The following C12orf42 variants were observed in gnomAD, a reference collection of about 807,000 sequenced individuals.
C12orf42 encodes the protein chromosome 12 open reading frame 42, also known as uncharacterized protein C12orf42.
Under a neutral mutation model 21.6 loss-of-function variants are expected in C12orf42, and 25 were observed. The observed-to-expected ratio is 1.16, with a 90% confidence interval of 0.84 to 1.62. The LOEUF (loss-of-function observed/expected upper bound fraction) is 1.62, where lower values mean the gene tolerates loss of function less well. Among genes scored for constraint, C12orf42 ranks in the 40% most tolerant of loss-of-function variants. The pLI is 0.00. For synonymous variants in C12orf42, 174 were observed against 175.0 expected (o/e 0.99, Z 0.05); for missense variants, 483 against 459.3 (o/e 1.05, Z -0.47).
intron 4 of C12orf42, among the ~76,000 whole-genome samples, chr12:103,359,509 C>T (rs1015063090): frequency 6.6e-6 from 1 of 151,326 alleles, no homozygotes; most frequent in South Asian, 2.1e-4. Context: ...TATATATATA[C>T]AAGGATGCAT....
At chr12:103,302,681 A>T in intron 5 of C12orf42, 122 bp from the exon 6 acceptor site, 9 of 251,060 alleles carry the variant, frequency 3.6e-5, no homozygotes, top group South Asian at 7.6e-5. Context: ...GAGGGGAAAG[A>T]AAAAAAAAAA....
the C12orf42 span, among the ~76,000 whole-genome samples, chr12:103,554,141 G>A: frequency 6.6e-6 from 1 of 152,178 alleles, no homozygotes; most frequent in Non-Finnish European, 1.5e-5. Context: ...TGTGGATAGA[G>A]CTCCAAAGCA....
At chr12:103,283,333 C>A (rs1272738589) in intron 4 of C12orf42, among the ~76,000 whole-genome samples, 1 of 152,160 alleles carries the variant, frequency 6.6e-6, no homozygotes, top group Non-Finnish European at 1.5e-5. Flanking sequence ...TTCTCTGGAC[C>A]ACAGTGCATG....
intron 4 of C12orf42, among the ~76,000 whole-genome samples, chr12:103,366,044 C>T (rs553671708): frequency 3.8e-4 from 58 of 152,202 alleles, no homozygotes; most frequent in African/African-American, 1.3e-3. Context: ...GGAAGCATTA[C>T]ATTACCCAAC....
intron 2 of C12orf42, among the ~76,000 whole-genome samples, chr12:103,413,969 CA>C (rs1266606512): frequency 1.2e-4 from 19 of 152,152 alleles, no homozygotes; most frequent in African/African-American, 3.9e-4. Context: ...TATAAACATG[CA>C]TGTGAAAATG....
chr12:103,471,704 A>G (rs1953621277), intron 2 of C12orf42, among the ~76,000 whole-genome samples: 1 of 152,256 alleles, frequency 6.6e-6, no homozygotes, highest in Admixed American at 6.5e-5. Context: ...TCTACACCCC[A>G]TGGTAAGAAA....
At chr12:103,067,112 C>T in the C12orf42 span, among the ~76,000 whole-genome samples, 8 of 152,302 alleles carry the variant, frequency 5.3e-5, no homozygotes, top group East Asian at 1.2e-3. Flanking sequence ...AGTAATCAGC[C>T]AGCTACCTGA....
chr12:103,080,087 C>G, the C12orf42 span, among the ~76,000 whole-genome samples: 90 of 152,258 alleles, frequency 5.9e-4, no homozygotes, highest in Non-Finnish European at 8.4e-4. Flanking sequence ...AATTTATGCA[C>G]TTGGCTATGA....
At chr12:103,085,544 T>A in the C12orf42 span, among the ~76,000 whole-genome samples, 1 of 149,828 alleles carries the variant, frequency 6.7e-6, no homozygotes, top group South Asian at 2.1e-4. Context: ...TGAAAAGATT[T>A]TTTTTTTTTT....
intron 4 of C12orf42, among the ~76,000 whole-genome samples, chr12:103,278,293 T>A (rs1316463176): frequency 6.6e-6 from 1 of 152,222 alleles, no homozygotes; most frequent in African/African-American, 2.4e-5. Context: ...TTTCAAAAGA[T>A]GCTTTTAGAA....
intron 5 of C12orf42, chr12:103,273,802 C>T: frequency 4.4e-6 from 2 of 455,864 alleles, no homozygotes; most frequent in South Asian, 3.1e-5. Flanking sequence ...CTGATGACTT[C>T]ATGGGTCTGA....
the C12orf42 span, chr12:103,162,924 T>C: frequency 1.3e-5 from 2 of 152,188 alleles, no homozygotes; most frequent in Non-Finnish European, 2.9e-5. Flanking sequence ...AAATGGCGCT[T>C]CTCTCAGCAT....
intron 4 of C12orf42, among the ~76,000 whole-genome samples, chr12:103,309,375 TA>T (rs1220041832): frequency 2.0e-5 from 3 of 152,196 alleles, no homozygotes; most frequent in Non-Finnish European, 2.9e-5. Context: ...ACAATTTTCT[TA>T]AAAACATTTT....
chr12:103,349,881 A>G (rs1277640042), intron 4 of C12orf42, among the ~76,000 whole-genome samples: 1 of 152,196 alleles, frequency 6.6e-6, no homozygotes, highest in African/African-American at 2.4e-5. Context: ...TTATATATAC[A>G]AAAATGAGAA....
chr12:103,119,662 T>C, the C12orf42 span, among the ~76,000 whole-genome samples: 2 of 152,168 alleles, frequency 1.3e-5, no homozygotes, highest in Non-Finnish European at 2.9e-5. Flanking sequence ...TTTTTAACCA[T>C]TAAAAAATTA....
At chr12:103,251,429 A>G (rs2034297446) in intron 10 of C12orf42, among the ~76,000 whole-genome samples, 1 of 152,130 alleles carries the variant, frequency 6.6e-6, no homozygotes, top group African/African-American at 2.4e-5. Flanking sequence ...TCTATAATAC[A>G]TTCCTTAATC....
At chr12:103,088,534 G>A in the C12orf42 span, among the ~76,000 whole-genome samples, 1 of 152,204 alleles carries the variant, frequency 6.6e-6, no homozygotes, top group East Asian at 1.9e-4. Context: ...AAAATCAGTG[G>A]TAGAGAAAAG....
chr12:103,097,209 C>G, the C12orf42 span, among the ~76,000 whole-genome samples: 3,830 of 152,178 alleles, frequency 0.025, 151 homozygotes, highest in African/African-American at 0.087. Flanking sequence ...GCAATTAGCT[C>G]TAGTTAATGT....
chr12:103,278,683 T>A (rs1183453442), intron 4 of C12orf42, among the ~76,000 whole-genome samples: 1 of 152,218 alleles, frequency 6.6e-6, no homozygotes, highest in African/African-American at 2.4e-5. Context: ...TCTTCTTCCA[T>A]TGCTCATGTA....
Sources: gnomAD v4.1 joint callset for allele counts (sites outside exome capture counted in the v4.1 genomes callset) on GRCh38, gnomAD v4.1.1 for gene constraint, MANE v1.5 for transcripts, NCBI Gene and HGNC (gene_info 2026-07-23, HGNC 2026-07-21) for gene names.